NCAM2: variants seen among roughly 807,000 people sequenced by gnomAD.
NCAM2 encodes the protein neural cell adhesion molecule 2.
A neutral mutation model predicts 98.1 loss-of-function variants in NCAM2; 30 were observed. The observed-to-expected ratio is 0.31, with a 90% CI of 0.23 to 0.41. The LOEUF is 0.41. Among genes scored for constraint, NCAM2 ranks in the 10% least tolerant of loss-of-function variants. NCAM2 has a pLI of 1.00. For synonymous variants in NCAM2, 368 were observed against 342.4 expected (o/e 1.07, Z -0.83); for missense variants, 867 against 1,005.8 (o/e 0.86, Z 1.87).
intron 1 of NCAM2, among the ~76,000 whole-genome samples, chr21:21,185,108 A>G (rs1469939359): frequency 6.6e-6 from 1 of 152,304 alleles, no homozygotes; most frequent in East Asian, 1.9e-4. Flanking sequence ...TAAAATGACA[A>G]TTTAATCTTC....
chr21:21,398,481 C>G (rs59447229), intron 9 of NCAM2, among the ~76,000 whole-genome samples: 1 of 151,822 alleles, frequency 6.6e-6, no homozygotes, highest in East Asian at 1.9e-4. Flanking sequence ...TACAAAGCAC[C>G]GAAAGCACAA....
At chr21:21,407,269 T>C (rs1176744134) in intron 9 of NCAM2, among the ~76,000 whole-genome samples, 1 of 152,236 alleles carries the variant, frequency 6.6e-6, no homozygotes, top group East Asian at 1.9e-4. Flanking sequence ...ATATCCTGTA[T>C]AGACATTTAG....
At chr21:21,419,725 G>A (rs1192802492) in intron 11 of NCAM2, among the ~76,000 whole-genome samples, 3 of 151,998 alleles carry the variant, frequency 2.0e-5, no homozygotes, top group African/African-American at 7.3e-5. Context: ...ATTCCATGGT[G>A]TATATGTGCC....
At chr21:21,092,167 G>C (rs1190060504) in intron 1 of NCAM2, among the ~76,000 whole-genome samples, 2 of 151,984 alleles carry the variant, frequency 1.3e-5, no homozygotes, top group African/African-American at 4.8e-5. Context: ...AATGAAATAG[G>C]TGAATGGTTG....
intron 1 of NCAM2, among the ~76,000 whole-genome samples, chr21:21,195,525 T>C (rs927924610): frequency 1.6e-4 from 24 of 152,214 alleles, no homozygotes; most frequent in African/African-American, 5.8e-4. Flanking sequence ...ATTCTGTCTG[T>C]AGGAAATCAT....
At chr21:21,533,714 T>G (rs1430695898) in intron 16 of NCAM2, among the ~76,000 whole-genome samples, 1 of 151,628 alleles carries the variant, frequency 6.6e-6, no homozygotes, top group Non-Finnish European at 1.5e-5. Context: ...CCAATTCTTC[T>G]GTCTCACTTT....
intron 15 of NCAM2, among the ~76,000 whole-genome samples, chr21:21,498,276 T>C (rs1347848063): frequency 6.6e-6 from 1 of 152,176 alleles, no homozygotes; most frequent in Non-Finnish European, 1.5e-5. Flanking sequence ...TTAATGTTTT[T>C]AAGCATTATT....
chr21:21,301,392 T>A (rs930170323), intron 5 of NCAM2, among the ~76,000 whole-genome samples: 1 of 150,906 alleles, frequency 6.6e-6, no homozygotes, highest in Non-Finnish European at 1.5e-5. Context: ...CTATTTTTTT[T>A]TTTTAATTAT....
intron 1 of NCAM2, among the ~76,000 whole-genome samples, chr21:21,146,097 A>G (rs1012407188): frequency 2.0e-5 from 3 of 152,190 alleles, no homozygotes; most frequent in African/African-American, 7.2e-5. Flanking sequence ...GAATTTAATA[A>G]TTTCTATCAC....
chr21:21,421,070 A>AT (rs1172638656), intron 11 of NCAM2, among the ~76,000 whole-genome samples: 4 of 151,750 alleles, frequency 2.6e-5, no homozygotes. Flanking sequence ...CCAGTATTGT[A>AT]TATTGCCATT....
chr21:21,024,198 A>G (rs2064495050), intron 1 of NCAM2, among the ~76,000 whole-genome samples: 1 of 152,222 alleles, frequency 6.6e-6, no homozygotes, highest in South Asian at 2.1e-4. Flanking sequence ...GAAACAACGC[A>G]GTCAAAATGA....
intron 12 of NCAM2, among the ~76,000 whole-genome samples, chr21:21,465,893 G>T (rs1359495354): frequency 6.6e-6 from 1 of 151,940 alleles, no homozygotes; most frequent in East Asian, 1.9e-4. Context: ...ATCTATAATT[G>T]CATCCAAAAT....
intron 3 of NCAM2, 49 bp downstream of exon 3, chr21:21,284,449 T>C (rs2073032012): frequency 7.2e-7 from 1 of 1,379,442 alleles, no homozygotes; most frequent in Non-Finnish European, 1.0e-6. Context: ...CAGTTGCTTA[T>C]AAATAACCGA....
At chr21:21,436,651 T>C (rs1978368157) in intron 12 of NCAM2, among the ~76,000 whole-genome samples, 1 of 152,086 alleles carries the variant, frequency 6.6e-6, no homozygotes, top group African/African-American at 2.4e-5. Context: ...ATACTGAAAT[T>C]TGGTGGAGGT....
chr21:21,105,967 A>G (rs1009552942), intron 1 of NCAM2, among the ~76,000 whole-genome samples: 5 of 152,130 alleles, frequency 3.3e-5, no homozygotes, highest in Admixed American at 3.3e-4. Context: ...ATGTTCCAAG[A>G]GGGTATGTTT....
chr21:21,058,742 A>G (rs746769665), intron 1 of NCAM2, among the ~76,000 whole-genome samples: 6 of 151,362 alleles, frequency 4.0e-5, no homozygotes, highest in Non-Finnish European at 7.4e-5. Context: ...GTTATTTTGC[A>G]TACATTTCCA....
Position 21,150,451 on chromosome 21 carries a change from T to C in NCAM2, c.56-130127T>C, listed in dbSNP as rs542647847. On this transcript the variant is annotated intron_variant, in intron 1 of 17. Coordinates refer to ENST00000400546, the MANE Select transcript of NCAM2 (RefSeq NM_004540.5). ...AGGGAGAAAATATGCAAATTTTCAC[T>C]ATCAAATATGAGGTTAAATGTAGAC... Among the ~76,000 whole-genome samples the C allele has an allele frequency of 2.6e-5, 4 of 152,216 alleles. No homozygotes were observed. In the East Asian group the frequency reaches 7.7e-4, roughly 29 times the overall value.
At position 21,290,811 on chromosome 21, in the gene NCAM2, A is replaced by C. The variant is rs752861258; in HGVS notation, c.482-1293A>C. Among the ~76,000 whole-genome samples the C allele has an allele frequency of 4.6e-5, 7 of 151,826 alleles. No individual in the cohort carries two copies. The South Asian group carries it at 6.2e-4, about 13-fold the overall frequency. On this transcript the variant is annotated intron_variant, in intron 4 of 17. Transcript: ENST00000400546. ...TAGCCCCGACTTCTCCCCTCTCATT[A>C]AGGAACGGCTATGACAAATTTGCCC...
intron 9 of NCAM2, among the ~76,000 whole-genome samples, chr21:21,401,947 C>T (rs555835773): frequency 1.6e-3 from 236 of 152,244 alleles, no homozygotes; most frequent in Non-Finnish European, 2.0e-3. Flanking sequence ...TAATAATACT[C>T]ATAATTTCTT....
Sources: allele counts gnomAD v4.1 joint callset (sites outside exome capture counted in the v4.1 genomes callset), GRCh38; gene constraint gnomAD v4.1.1; transcripts MANE v1.5; gene names NCBI Gene and HGNC (gene_info 2026-07-23, HGNC 2026-07-21).